Variants in UNC13C observed in about 807,000 individuals in gnomAD.
The protein encoded by UNC13C is protein unc-13 homolog C.
Under a neutral mutation model 245.4 loss-of-function variants are expected in UNC13C, and 174 were observed. That is an observed-to-expected ratio of 0.71 (90% CI 0.63 to 0.80). The LOEUF (loss-of-function observed/expected upper bound fraction) is 0.80. Ranked by LOEUF, UNC13C falls within the 30% of genes least tolerant of loss-of-function variation. The pLI is 0.00. For synonymous variants in UNC13C, 992 were observed against 895.1 expected (o/e 1.11, Z -1.93); for missense variants, 2,829 against 2,602.9 (o/e 1.09, Z -1.89).
intron 1 of UNC13C, among the ~76,000 whole-genome samples, chr15:54,011,145 G>A (rs920784160): frequency 1.3e-4 from 20 of 151,920 alleles, no homozygotes; most frequent in Non-Finnish European, 2.8e-4. Context: ...AGAGTGTGGA[G>A]CCCTTAGTGA....
In UNC13C at chr15:54,003,018, A is replaced by G. The variant is rs1449646886; in HGVS notation, c.-256-9630A>G. 2.6e-5 allele frequency among the ~76,000 whole-genome samples: 4 copies of G among 151,440 alleles called. No individual in the cohort carries two copies. The East Asian group carries it at 8.0e-4, about 30-fold the overall frequency. Reference sequence around the variant, plus strand: ...AGCTTTCCTTTTCATGCTGTGTACAATTTGAGGATCAGTGCTGTTCAAACT... The same window carrying G: ...AGCTTTCCTTTTCATGCTGTGTACAGTTTGAGGATCAGTGCTGTTCAAACT... On this transcript the variant is annotated intron_variant, in intron 1 of 32. Transcript: ENST00000260323.
At chr15:54,344,996 T>C (rs57505610) in intron 17 of UNC13C, among the ~76,000 whole-genome samples, 9,807 of 152,256 alleles carry the variant, frequency 0.064, 393 homozygotes, top group Admixed American at 0.11. Flanking sequence ...CTCTTCTGCA[T>C]AGAATGTTTT....
intron 2 of UNC13C, among the ~76,000 whole-genome samples, chr15:54,065,034 TG>T (rs1485340877): frequency 6.6e-6 from 1 of 152,244 alleles, no homozygotes; most frequent in African/African-American, 2.4e-5. Flanking sequence ...ATGGTATCCT[TG>T]GAATTCTGAG....
intron 4 of UNC13C, among the ~76,000 whole-genome samples, chr15:54,146,497 T>G (rs1403030527): frequency 6.6e-6 from 1 of 152,192 alleles, no homozygotes; most frequent in Non-Finnish European, 1.5e-5. Context: ...CCTGTAAGTG[T>G]TGCCAGAAAA....
the UNC13C span, among the ~76,000 whole-genome samples, chr15:53,918,092 G>T: frequency 3.4e-4 from 52 of 152,258 alleles, no homozygotes; most frequent in East Asian, 4.2e-3. Context: ...AATTTTATTT[G>T]CTTAAAATGT....
intron 30 of UNC13C, among the ~76,000 whole-genome samples, chr15:54,616,346 C>G (rs1163215431): frequency 6.6e-6 from 1 of 151,960 alleles, no homozygotes; most frequent in African/African-American, 2.4e-5. Context: ...TGATACACTG[C>G]ATTTCAACAG....
intron 13 of UNC13C, among the ~76,000 whole-genome samples, chr15:54,319,391 A>G (rs11853571): frequency 0.16 from 24,999 of 151,524 alleles, 3,201 homozygotes; most frequent in African/African-American, 0.36. Flanking sequence ...TTGTTTGTGG[A>G]TTCTTAATAC....
intron 2 of UNC13C, among the ~76,000 whole-genome samples, chr15:54,083,761 T>C (rs1472065143): frequency 6.6e-6 from 1 of 152,142 alleles, no homozygotes; most frequent in Non-Finnish European, 1.5e-5. Flanking sequence ...AGGGACTTGA[T>C]TGCTGTGCTT....
At chr15:54,178,871 G>C (rs1242432311) in intron 4 of UNC13C, among the ~76,000 whole-genome samples, 1 of 152,044 alleles carries the variant, frequency 6.6e-6, no homozygotes, top group Non-Finnish European at 1.5e-5. Context: ...CCCGCTTGAG[G>C]AACAGGCCTG....
chr15:54,630,003 T>C (rs1348419134), downstream of UNC13C: 2 of 152,204 alleles, frequency 1.3e-5, no homozygotes, highest in African/African-American at 2.4e-5. Context: ...AAGCCTGTTA[T>C]ATTTACTTAC....
At chr15:54,455,263 A>T (rs1414252948) in intron 19 of UNC13C, among the ~76,000 whole-genome samples, 2 of 132,094 alleles carry the variant, frequency 1.5e-5, no homozygotes, top group Non-Finnish European at 3.2e-5. Context: ...TCATTGGTAG[A>T]TGGGCATTTA....
intron 19 of UNC13C, among the ~76,000 whole-genome samples, chr15:54,452,654 G>C (rs144317577): frequency 3.2e-4 from 49 of 152,322 alleles, no homozygotes; most frequent in African/African-American, 1.1e-3. Context: ...GAGGTTGGCT[G>C]TGGTCAGACG....
chr15:54,194,840 A>T (rs975571496), intron 4 of UNC13C, among the ~76,000 whole-genome samples: 1 of 152,168 alleles, frequency 6.6e-6, no homozygotes, highest in African/African-American at 2.4e-5. Flanking sequence ...AATTTAAAAT[A>T]TTTATTTTTG....
At chr15:54,509,162 G>T (rs1894624265) in intron 23 of UNC13C, among the ~76,000 whole-genome samples, 1 of 152,152 alleles carries the variant, frequency 6.6e-6, no homozygotes, top group Admixed American at 6.5e-5. Context: ...TTGTGCCATT[G>T]CACTCCAGCC....
chr15:54,619,366 C>G (rs1031415119), intron 30 of UNC13C, among the ~76,000 whole-genome samples: 1 of 152,192 alleles, frequency 6.6e-6, no homozygotes, highest in Admixed American at 6.6e-5. Context: ...GCATGTTTCA[C>G]TCTAGCATTA....
At chr15:54,072,139 C>T (rs1483543207) in intron 2 of UNC13C, among the ~76,000 whole-genome samples, 1 of 152,126 alleles carries the variant, frequency 6.6e-6, no homozygotes, top group East Asian at 1.9e-4. Flanking sequence ...GAGTGGAAAG[C>T]AGGACTCTGA....
At position 54,536,788 on chromosome 15, in the gene UNC13C, T is replaced by C. The variant is rs377503005; in HGVS notation, c.5696+3722T>C. ...TTCAATAAAATTCAACATCGCCTCA[T>C]GTTAAAAACCCTCAACAAACTAGGC... On this transcript the variant is annotated intron_variant, in intron 26 of 32. Transcript: ENST00000260323. Among the ~76,000 whole-genome samples, 4 of 152,174 alleles carry C rather than the reference T, an allele frequency of 2.6e-5. No individual in the cohort carries two copies. In the East Asian group the frequency reaches 5.8e-4, roughly 22 times the overall value.
At chr15:54,242,424 A>G (rs550541103) in intron 7 of UNC13C, among the ~76,000 whole-genome samples, 1 of 152,284 alleles carries the variant, frequency 6.6e-6, no homozygotes, top group Non-Finnish European at 1.5e-5. Flanking sequence ...TGAATTTAAT[A>G]CCATCAAATT....
chr15:54,068,219 A>T (rs1057429237), intron 2 of UNC13C, among the ~76,000 whole-genome samples: 1 of 152,168 alleles, frequency 6.6e-6, no homozygotes, highest in Non-Finnish European at 1.5e-5. Flanking sequence ...TTGATAACTG[A>T]TTCATAGACA....
Sources: allele counts gnomAD v4.1 joint callset (sites outside exome capture counted in the v4.1 genomes callset), GRCh38; gene constraint gnomAD v4.1.1; transcripts MANE v1.5; gene names NCBI Gene and HGNC (gene_info 2026-07-23, HGNC 2026-07-21).